SATB2: variants seen among roughly 807,000 people sequenced by gnomAD.
SATB2 encodes DNA-binding protein SATB2.
SATB2 carries 1 observed loss-of-function variant against 73.4 expected under a neutral mutation model. That is an observed-to-expected ratio of 0.01 (90% confidence interval 0.00 to 0.06). The LOEUF is 0.06. Ranked by LOEUF, SATB2 falls within the 10% of genes least tolerant of loss-of-function variation. The pLI, the probability that SATB2 is intolerant of heterozygous loss-of-function variation, is 1.00. For synonymous variants in SATB2, 397 were observed against 367.0 expected, an observed-to-expected ratio of 1.08 and a Z score of -0.93; for missense variants, 459 against 945.8, an observed-to-expected ratio of 0.49 and a Z score of 6.75.
At chr2:199,394,115 G>A (rs1303033712) in intron 3 of SATB2, among the ~76,000 whole-genome samples, 7 of 152,108 alleles carry the variant, frequency 4.6e-5, no homozygotes, top group Non-Finnish European at 7.4e-5. Flanking sequence ...ATTAGGACAC[G>A]ATACTCTCAG....
intron 9 of SATB2, among the ~76,000 whole-genome samples, chr2:199,317,942 A>C (rs1436842573): frequency 6.6e-6 from 1 of 152,002 alleles, no homozygotes; most frequent in Non-Finnish European, 1.5e-5. Flanking sequence ...CATATATTAA[A>C]CTTTTTTGAA....
chr2:199,368,800 T>A, intron 5 of SATB2, 93 bp from the exon 6 acceptor site: 1 of 707,198 alleles, frequency 1.4e-6, no homozygotes, highest in Non-Finnish European at 2.4e-6. Flanking sequence ...TAACCTCTTT[T>A]TTCTTTTAAA....
intron 9 of SATB2, among the ~76,000 whole-genome samples, chr2:199,313,660 A>C (rs1234253371): frequency 6.6e-6 from 1 of 152,194 alleles, no homozygotes; most frequent in Non-Finnish European, 1.5e-5. Context: ...TACATTTACA[A>C]AGCAAATCAC....
chr2:199,446,514 G>A (rs1691967004), intron 2 of SATB2, among the ~76,000 whole-genome samples: 1 of 151,946 alleles, frequency 6.6e-6, no homozygotes, highest in African/African-American at 2.4e-5. Flanking sequence ...TCTTTTAATT[G>A]TACAACAAAA....
In SATB2 at chr2:199,391,682, G is replaced by A. The variant is rs542591898; in HGVS notation, c.347-9862C>T. Among the ~76,000 whole-genome samples, 17 of 152,046 alleles carry A rather than the reference G, an allele frequency of 1.1e-4. No homozygotes were observed. The South Asian group carries it at 3.5e-3, about 32-fold the overall frequency. On this transcript the variant is annotated intron_variant, in intron 3 of 10. Transcript: ENST00000417098. ...TACCATTTTAATGGCCAAAAAAGAA[G>A]CCAAGAGTCCAATACACAGGAGGTG...
chr2:199,381,953 A>C, intron 3 of SATB2, 133 bp from the exon 4 acceptor site: 2 of 983,088 alleles, frequency 2.0e-6, no homozygotes. Context: ...AACCCAGTGC[A>C]ATAAGCTATT....
At chr2:199,345,083 G>GC (rs1688610759) in intron 7 of SATB2, among the ~76,000 whole-genome samples, 2 of 151,682 alleles carry the variant, frequency 1.3e-5, no homozygotes, top group Non-Finnish European at 2.9e-5. Flanking sequence ...TTCTCCACCT[G>GC]CCCCCATCTC....
intron 5 of SATB2, 22 bp downstream of exon 5, chr2:199,380,342 A>AC: frequency 6.2e-7 from 1 of 1,613,602 alleles, no homozygotes; most frequent in Non-Finnish European, 8.5e-7. Flanking sequence ...TGTTTCCCAG[A>AC]CCCCCACCTG....
At chr2:199,470,528 T>C (rs935002157) in intron 1 of SATB2, 3 of 152,304 alleles carry the variant, frequency 2.0e-5, no homozygotes, top group Non-Finnish European at 2.9e-5. Flanking sequence ...AGAAGCCTGG[T>C]GGCGGGTCAA....
rs1410956834 is a variant in SATB2 at position 199,269,509 on chromosome 2, T to C, written c.*2702A>G. ...TAACTGACAAACAAAGTCATATTTA[T>C]TGAATGCGTTTATTTTAACAACCAA... On this transcript the variant is annotated 3_prime_UTR_variant, in exon 11 of 11. Transcript: ENST00000417098. 1.3e-5 allele frequency: 2 copies of C among 152,750 alleles called. No individual in the cohort carries two copies. Among genetic ancestry groups the C allele is most frequent in the African/African-American group, 4.8e-5 (2 of 41,450 alleles). The allele number at this position is 152,750 out of a possible 1,614,324, so 9.5% of individuals were successfully genotyped here.
At chr2:199,415,939 T>G (rs2105908443) in intron 3 of SATB2, among the ~76,000 whole-genome samples, 1 of 152,310 alleles carries the variant, frequency 6.6e-6, no homozygotes, top group East Asian at 1.9e-4. Flanking sequence ...CAAGCCTGTG[T>G]GCCAACTTGT....
chr2:199,459,016 GC>G (rs1692394893), upstream of SATB2, among the ~76,000 whole-genome samples: 1 of 152,102 alleles, frequency 6.6e-6, no homozygotes, highest in African/African-American at 2.4e-5. This position sits in a 1 kb window ranked among gnomAD's most constrained non-coding sequence, Gnocchi z 4.2. Context: ...CGTGGTGGAT[GC>G]AGAGCGGGGT....
At position 199,289,666 on chromosome 2, in the gene SATB2, A is replaced by G. The variant is rs373376429; in HGVS notation, c.1741-16994T>C. On this transcript the variant is annotated intron_variant, in intron 10 of 10. Coordinates refer to ENST00000417098, the MANE Select transcript of SATB2 (RefSeq NM_001172509.2). ...ATTTAATAGCTGAGAACTCAGTACA[A>G]AACAAACATACTTACAAATGACATT... is the stretch of plus-strand genomic sequence containing the variant. 1.6e-4 allele frequency among the ~76,000 whole-genome samples: 25 copies of G among 152,248 alleles called. 1 individual carries two copies. The South Asian group carries it at 4.4e-3, about 26-fold the overall frequency.
intron 6 of SATB2, among the ~76,000 whole-genome samples, chr2:199,350,640 C>T (rs1688787568): frequency 6.6e-6 from 1 of 152,116 alleles, no homozygotes; most frequent in Non-Finnish European, 1.5e-5. Context: ...TTTATGCATG[C>T]AAAATATCCC....
Position 199,271,840 on chromosome 2 carries a change from C to A in SATB2, c.*371G>T. 1 of 316,196 alleles carries A rather than the reference C, an allele frequency of 3.2e-6. No individual in the cohort carries two copies. The highest frequency in any genetic ancestry group is 6.1e-6 in the Non-Finnish European group (1 of 164,764). The allele number at this position is 316,196 out of a possible 1,614,324, so 19.6% of individuals were successfully genotyped here. A position where few individuals can be genotyped will look rare whatever the true frequency, so the allele number is the denominator to read the frequency against. On this transcript the variant is annotated 3_prime_UTR_variant, in exon 11 of 11. Transcript: ENST00000417098. The stretch of plus-strand genomic sequence containing the variant: ...CACTTGTAGCTTCCTTCATTTATTT[C>A]ATAGTTCTTTTCATCCTGGTACTTG...
chr2:199,368,537 C>T lies in SATB2; in HGVS notation c.700+68G>A. The T allele has an allele frequency of 1.2e-5, 11 of 931,680 alleles. No individual in the cohort carries two copies. In the South Asian group the frequency reaches 1.3e-4, roughly 11 times the overall value. 57.7% of individuals were successfully genotyped at this position (931,680 alleles called of 1,614,324 possible). ...TTGTATCTAAAATGAGCATAAATTCCAAACAACCAACAACTCATGAACCTC... is the reference window on the plus strand; with the variant it reads ...TTGTATCTAAAATGAGCATAAATTCTAAACAACCAACAACTCATGAACCTC... On this transcript the variant is annotated intron_variant, in intron 6 of 10. Coordinates refer to ENST00000417098, the MANE Select transcript of SATB2 (RefSeq NM_001172509.2).
intron 3 of SATB2, among the ~76,000 whole-genome samples, chr2:199,386,714 GCGCA>G (rs1283092605): frequency 1.3e-3 from 29 of 22,562 alleles, no homozygotes; most frequent in African/African-American, 5.3e-3. Flanking sequence ...GCGCGCGCGC[GCGCA>G]CACACACACA....
Position 199,463,404 on chromosome 2 carries a change from G to A in SATB2, c.-141+1432C>T, listed in dbSNP as rs1159257137. 6.6e-6 allele frequency among the ~76,000 whole-genome samples: 1 copy of A among 152,176 alleles called. No individual in the cohort carries two copies. The highest frequency in any genetic ancestry group is 1.5e-5 in the Non-Finnish European group (1 of 68,022). On this transcript the variant is annotated intron_variant, in intron 1 of 11. Transcript: ENST00000260926. The surrounding 1 kb of genome is among the most constrained non-coding windows in gnomAD (Gnocchi z 6.4). Reference sequence around the variant, plus strand: ...GGGCCCCGGGTGGCGCTCCCGACCCGCCGCGTTTTCCTTAGGGAAACACCG... The same window carrying A: ...GGGCCCCGGGTGGCGCTCCCGACCCACCGCGTTTTCCTTAGGGAAACACCG...
chr2:199,344,822 C>T (rs2105817435), intron 7 of SATB2, among the ~76,000 whole-genome samples: 1 of 152,278 alleles, frequency 6.6e-6, no homozygotes, highest in East Asian at 1.9e-4. Context: ...TGGAAAGTGT[C>T]ATGTACTTAC....
Sources: allele counts gnomAD v4.1 joint callset (sites outside exome capture counted in the v4.1 genomes callset), GRCh38; gene constraint gnomAD v4.1.1; non-coding constraint Gnocchi (gnomAD v3.1); transcripts MANE v1.5; gene names NCBI Gene and HGNC (gene_info 2026-07-23, HGNC 2026-07-21).